The following SLC9D1 variants were observed in gnomAD, a reference collection of about 807,000 sequenced individuals.
SLC9D1 encodes the protein solute carrier family 9 member D1, also known as putative LAG1-interacting protein.
At chr13:113,509,299 A>C in the SLC9D1 span, among the ~76,000 whole-genome samples, 2 of 88,888 alleles carry the variant, frequency 2.3e-5, no homozygotes, top group African/African-American at 1.3e-4. Flanking sequence ...TCCCCCCTGG[A>C]GCTTCCTGTG....
At chr13:113,503,466 A>G in the SLC9D1 span, 3 of 1,549,466 alleles carry the variant, frequency 1.9e-6, no homozygotes, top group Admixed American at 3.4e-5. Flanking sequence ...AACATGTACA[A>G]TTATATGGTT....
At chr13:113,542,958 G>A in the SLC9D1 span, among the ~76,000 whole-genome samples, 4 of 151,896 alleles carry the variant, frequency 2.6e-5, no homozygotes, top group Admixed American at 2.0e-4. Flanking sequence ...TGACCCCAAT[G>A]CAGCCTCACG....
chr13:113,503,841 T>C, the SLC9D1 span: 4 of 468,470 alleles, frequency 8.5e-6, no homozygotes, highest in Non-Finnish European at 1.1e-5. Context: ...TGGAAAGTAA[T>C]GTGTGTGAAC....
chr13:113,510,201 C>T, the SLC9D1 span: 3 of 1,583,832 alleles, frequency 1.9e-6, no homozygotes, highest in Admixed American at 1.7e-5. Context: ...TGCCTGTTGT[C>T]ACTAAAAAGT....
At chr13:113,495,786 A>T in the SLC9D1 span, 1 of 1,614,048 alleles carries the variant, frequency 6.2e-7, no homozygotes, top group African/African-American at 1.3e-5. Flanking sequence ...TGCAGTTCTG[A>T]ACAAACTGAA....
the SLC9D1 span, chr13:113,549,312 A>G: frequency 7.5e-6 from 9 of 1,201,630 alleles, no homozygotes; most frequent in Non-Finnish European, 9.4e-6. Flanking sequence ...CAGCCTCAGG[A>G]CTCTAGCTTT....
chr13:113,542,995 C>T, the SLC9D1 span, among the ~76,000 whole-genome samples: 337 of 151,044 alleles, frequency 2.2e-3, 1 homozygote, highest in African/African-American at 7.6e-3. Context: ...GAGAGCCTCT[C>T]GGCTGCCATT....
At chr13:113,548,405 T>C in the SLC9D1 span, 1 of 1,613,086 alleles carries the variant, frequency 6.2e-7, no homozygotes, top group Non-Finnish European at 8.5e-7. Context: ...CGAGTTTTCC[T>C]TTGTCCTGGG....
chr13:113,542,422 G>C, the SLC9D1 span, among the ~76,000 whole-genome samples: 1 of 152,196 alleles, frequency 6.6e-6, no homozygotes, highest in African/African-American at 2.4e-5. Context: ...TGCTCTCAGT[G>C]GGCATTGAAA....
chr13:113,511,927 A>C, the SLC9D1 span: 1 of 152,334 alleles, frequency 6.6e-6, no homozygotes, highest in Admixed American at 6.5e-5. Flanking sequence ...CAGTATATAT[A>C]CACTCGGAGT....
At chr13:113,514,120 A>C in the SLC9D1 span, among the ~76,000 whole-genome samples, 1 of 152,248 alleles carries the variant, frequency 6.6e-6, no homozygotes, top group South Asian at 2.1e-4. Flanking sequence ...TTAAAATATA[A>C]AATGCAGAAT....
At chr13:113,513,961 C>A in the SLC9D1 span, among the ~76,000 whole-genome samples, 2 of 152,122 alleles carry the variant, frequency 1.3e-5, no homozygotes, top group African/African-American at 4.8e-5. Flanking sequence ...GGGGTCGGGG[C>A]CCACAGCCCA....
At chr13:113,496,035 AGAGAGG>A in the SLC9D1 span, 1 of 1,566,244 alleles carries the variant, frequency 6.4e-7, no homozygotes, top group Non-Finnish European at 8.7e-7. Flanking sequence ...GGTCAGTCCT[AGAGAGG>A]GAGAGAGAGA....
the SLC9D1 span, among the ~76,000 whole-genome samples, chr13:113,492,128 A>C: frequency 6.6e-6 from 1 of 152,062 alleles, no homozygotes; most frequent in Non-Finnish European, 1.5e-5. Context: ...CACAGGGAGC[A>C]TCACGCCCGG....
the SLC9D1 span, among the ~76,000 whole-genome samples, chr13:113,497,435 T>A: frequency 7.1e-6 from 1 of 140,456 alleles, no homozygotes; most frequent in South Asian, 2.3e-4. Context: ...TGAGACCAGC[T>A]GTGTGTGAGA....
the SLC9D1 span, among the ~76,000 whole-genome samples, chr13:113,543,110 C>CTCCCCGCCCTCCCTCTGTCCGTGA: frequency 9.2e-6 from 1 of 108,624 alleles, no homozygotes; most frequent in African/African-American, 3.5e-5. Flanking sequence ...CCTCCCCCTG[C>CTCCCCGCCCTCCCTCTGTCCGTGA]CCCCAGCCCT....
At chr13:113,525,122 T>C in the SLC9D1 span, among the ~76,000 whole-genome samples, 3 of 152,224 alleles carry the variant, frequency 2.0e-5, no homozygotes, top group South Asian at 6.2e-4. Context: ...ATGTGAAATG[T>C]AGAAGCCTTA....
At chr13:113,531,004 A>C in the SLC9D1 span, among the ~76,000 whole-genome samples, 3 of 152,102 alleles carry the variant, frequency 2.0e-5, no homozygotes, top group Admixed American at 6.5e-5. Context: ...CTTGGGCATC[A>C]TTGTTGGGAT....
chr13:113,548,582 C>T, the SLC9D1 span: 9 of 968,988 alleles, frequency 9.3e-6, no homozygotes, highest in South Asian at 5.3e-5. Flanking sequence ...CAGGGGGGCA[C>T]GCAGAGGCCT....
Sources: allele counts gnomAD v4.1 joint callset (sites outside exome capture counted in the v4.1 genomes callset), GRCh38; gene constraint gnomAD v4.1.1; transcripts MANE v1.5; gene names NCBI Gene and HGNC (gene_info 2026-07-23, HGNC 2026-07-21).